Variants in ITGA7 observed in about 807,000 individuals in gnomAD.
ITGA7 encodes integrin subunit alpha 7.
Under a neutral mutation model 131.6 loss-of-function variants are expected in ITGA7, and 84 were observed. The ratio of observed to expected loss-of-function variants is 0.64; its 90% CI spans 0.54 to 0.77. ITGA7 has a LOEUF of 0.77. Among genes scored for constraint, ITGA7 ranks in the 30% least tolerant of loss-of-function variants. The probability of loss-of-function intolerance (pLI) is 0.00; values close to 1 mark genes in which losing one functional copy is unlikely to be tolerated. For missense variants in ITGA7, 1,399 were observed against 1,482.9 expected (o/e 0.94, Z 0.93); for synonymous variants, 548 against 600.7 (o/e 0.91, Z 1.28).
intron 5 of ITGA7, chr12:55,699,421 A>G: frequency 3.6e-6 from 1 of 278,684 alleles, no homozygotes; most frequent in Non-Finnish European, 7.0e-6. Context: ...AGGGGGAGTG[A>G]GAGAGCGCCT....
chr12:55,706,438 T>C (rs529538111), intron 1 of ITGA7, among the ~76,000 whole-genome samples: 11 of 152,162 alleles, frequency 7.2e-5, no homozygotes, highest in Admixed American at 3.3e-4. Flanking sequence ...AGACCGACAG[T>C]AGAGGCAGAA....
chr12:55,702,842 G>A (rs749076982), intron 3 of ITGA7, 30 bp downstream of exon 3: 113 of 1,558,114 alleles, frequency 7.3e-5, no homozygotes, highest in Non-Finnish European at 9.2e-5. Flanking sequence ...CACCCCATCC[G>A]TGCATTCAGT....
intron 10 of ITGA7, 56 bp from the exon 11 acceptor site, chr12:55,697,333 AC>A: frequency 2.5e-6 from 4 of 1,573,422 alleles, no homozygotes; most frequent in Non-Finnish European, 3.5e-6. Context: ...CAAGGCCCCT[AC>A]CCCCACCCCA....
At chr12:55,714,854 T>C (rs1342182175), upstream of ITGA7, among the ~76,000 whole-genome samples, 1 of 145,166 alleles carries the variant, frequency 6.9e-6, no homozygotes. Flanking sequence ...TAGTCTGGAA[T>C]CAAGGCTTTT....
At position 55,707,896 on chromosome 12, in the gene ITGA7, G is replaced by A. The variant is rs1470269063; in HGVS notation, c.-214C>T. On this transcript the variant is annotated 5_prime_UTR_variant, in exon 1 of 25. Coordinates refer to ENST00000257879, the MANE Select transcript of ITGA7 (RefSeq NM_002206.3). ...GGACAACTACAGCAGCCGCAGCTCCGGCGCCCACTCCGGCTCCCGCCTCCT... is the reference window on the plus strand; with the variant it reads ...GGACAACTACAGCAGCCGCAGCTCCAGCGCCCACTCCGGCTCCCGCCTCCT... 3 of 1,397,196 alleles carry A rather than the reference G, an allele frequency of 2.1e-6. No homozygotes were observed. The highest frequency in any genetic ancestry group is 3.0e-5 in the South Asian group (2 of 65,976). The allele number at this position is 1,397,196 out of a possible 1,614,324, so 86.5% of individuals were successfully genotyped here. A position where few individuals can be genotyped will look rare whatever the true frequency, so the allele number is the denominator to read the frequency against.
At chr12:55,698,344 G>A in intron 7 of ITGA7, 39 bp downstream of exon 7, 1 of 1,551,040 alleles carries the variant, frequency 6.4e-7, no homozygotes, top group Non-Finnish European at 8.7e-7. Flanking sequence ...CCCTCCTGTG[G>A]CCCCTCCCTC....
intron 5 of ITGA7, chr12:55,699,409 C>T (rs905576940): frequency 1.8e-5 from 5 of 284,094 alleles, no homozygotes; most frequent in East Asian, 1.9e-4. Flanking sequence ...GAGGGGGAGA[C>T]AAGGGGGAGT....
chr12:55,706,929 T>A (rs1015938783), intron 1 of ITGA7, among the ~76,000 whole-genome samples: 1 of 152,198 alleles, frequency 6.6e-6, no homozygotes, highest in African/African-American at 2.4e-5. Flanking sequence ...CCTCTCCCAA[T>A]CTTCCCGTGG....
In ITGA7 at chr12:55,703,032, T is replaced by G. The variant is rs2293413; in HGVS notation, c.334+19A>C. 6.2e-7 allele frequency: 1 copy of G among 1,613,772 alleles called. No individual in the cohort carries two copies. Among genetic ancestry groups the G allele is most frequent in the African/African-American group, 1.3e-5 (1 of 74,980 alleles). ...CCCCGCTCACACGCTTCCCCCACTC[T>G]GTTCATGCAGGGCCACACCTCCCTG... is the stretch of plus-strand genomic sequence containing the variant. On this transcript the variant is annotated intron_variant, in intron 2 of 24. Transcript: ENST00000257879.
intron 21 of ITGA7, among the ~76,000 whole-genome samples, 199 bp from the exon 22 acceptor site, chr12:55,689,156 G>C (rs909565335): frequency 6.6e-6 from 1 of 152,186 alleles, no homozygotes; most frequent in African/African-American, 2.4e-5. Flanking sequence ...AGCATGGAAG[G>C]GAATCTCTTA....
chr12:55,713,919 C>T (rs1437204498), upstream of ITGA7, among the ~76,000 whole-genome samples: 2 of 152,160 alleles, frequency 1.3e-5, no homozygotes, highest in Non-Finnish European at 2.9e-5. Context: ...CAATCAGCAC[C>T]CATTTCTCCT....
chr12:55,699,127 G>T lies in ITGA7; in HGVS notation c.791-210C>A, dbSNP rs116989307. Among the ~76,000 whole-genome samples the T allele has an allele frequency of 4.2e-3, 634 of 152,084 alleles. 2 individuals carry two copies. Among genetic ancestry groups the T allele is most frequent in the Middle Eastern group, 0.021 (6 of 292 alleles). On this transcript the variant is annotated intron_variant, in intron 5 of 24. Coordinates refer to ENST00000257879, the MANE Select transcript of ITGA7 (RefSeq NM_002206.3). ...AGCTGGATAGCTCTTCCTCCCCACA[G>T]GGCCTGGCAGCCTCCCACACCCACC...
upstream of ITGA7, chr12:55,716,133 A>G (rs780881380): frequency 4.3e-6 from 7 of 1,611,190 alleles, no homozygotes; most frequent in Admixed American, 8.4e-5. Flanking sequence ...GCCCGACGTG[A>G]CCATGCTGTC....
At chr12:55,703,765 G>A (rs565673791) in intron 1 of ITGA7, among the ~76,000 whole-genome samples, 53 of 152,234 alleles carry the variant, frequency 3.5e-4, no homozygotes, top group African/African-American at 1.3e-3. Flanking sequence ...GCCAGCCCAG[G>A]ATTCCATCAG....
At chr12:55,696,868 G>A in intron 12 of ITGA7, 31 bp downstream of exon 12, 1 of 1,612,320 alleles carries the variant, frequency 6.2e-7, no homozygotes, top group South Asian at 1.1e-5. Context: ...CCATGAAAAT[G>A]ACCCTCAGAA....
intron 24 of ITGA7, among the ~76,000 whole-genome samples, chr12:55,687,271 G>C (rs181263445): frequency 2.5e-4 from 35 of 141,060 alleles, no homozygotes; most frequent in African/African-American, 8.6e-4. Flanking sequence ...TCCACCTCCC[G>C]GGTTCAAGCG....
rs138614852 is a variant in ITGA7 at position 55,702,816 on chromosome 12, A to AACACAC, written c.414+50_414+55dup. 0.043 allele frequency: 58,207 copies of AACACAC among 1,349,954 alleles called. 546 individuals carry two copies. Among genetic ancestry groups the AACACAC allele is most frequent in the Middle Eastern group, 0.072 (395 of 5,470 alleles). The allele number at this position is 1,349,954 out of a possible 1,614,324, so 83.6% of individuals were successfully genotyped here. A position where few individuals can be genotyped will look rare whatever the true frequency, so the allele number is the denominator to read the frequency against. On this transcript the variant is annotated intron_variant, in intron 3 of 24. Coordinates refer to ENST00000257879, the MANE Select transcript of ITGA7 (RefSeq NM_002206.3). ...CACCTATGCGTATGCACACACCATA[A>AACACAC]ACACACACACACACACACCCCATCC...
rs1565630005 is a variant in ITGA7, at chr12:55,698,414, G to A, written c.1161C>T (p.Val387=). 1.5e-5 allele frequency: 24 copies of A among 1,613,430 alleles called. No individual in the cohort carries two copies. Among genetic ancestry groups the A allele is most frequent in the East Asian group, 2.2e-5 (1 of 44,856 alleles). Residue 387 remains valine (V), a synonymous_variant, in exon 7 of 25, where the codon GTC becomes GTT. Coordinates refer to ENST00000257879, the MANE Select transcript of ITGA7 (RefSeq NM_002206.3). ...PDSMFGISLA[V]LGDLNQDGFP... ...AGCCATCTTGGTTGAGGTCCCCCAG[G>A]ACAGCCAGGCTGATCCCGAACATGG...
upstream of ITGA7, among the ~76,000 whole-genome samples, chr12:55,711,425 C>CAG (rs1366229642): frequency 6.6e-6 from 1 of 150,740 alleles, no homozygotes; most frequent in Non-Finnish European, 1.5e-5. Context: ...CTGCAGTGAG[C>CAG]AGAGATAGCA....
Sources: gnomAD v4.1 joint callset for allele counts (sites outside exome capture counted in the v4.1 genomes callset) on GRCh38, gnomAD v4.1.1 for gene constraint, MANE v1.5 for transcripts, NCBI Gene and HGNC (gene_info 2026-07-23, HGNC 2026-07-21) for gene names.